The following GMDS variants were observed in gnomAD, a reference collection of about 807,000 sequenced individuals.
GMDS encodes the protein GDP-mannose 4,6 dehydratase.
GMDS carries 20 observed loss-of-function variants against 49.9 expected under a neutral mutation model. The ratio of observed to expected loss-of-function variants is 0.40; its 90% CI spans 0.28 to 0.58. GMDS has a LOEUF of 0.58. GMDS is among the 20% of genes least tolerant of loss of function. The pLI is 0.42. For missense variants in GMDS, 362 were observed against 481.4 expected, an observed-to-expected ratio of 0.75 and a Z score of 2.32; for synonymous variants, 177 against 178.6, an observed-to-expected ratio of 0.99 and a Z score of 0.07.
chr6:1,788,010 C>T (rs978084751), intron 7 of GMDS, among the ~76,000 whole-genome samples: 1 of 152,080 alleles, frequency 6.6e-6, no homozygotes. Flanking sequence ...CACTGCCCAC[C>T]GTGCAGCCTT....
rs1447426272 is a variant in GMDS at position 2,157,286 on chromosome 6, C to G, written c.103-32555G>C. ...CTCAGAGGACAGTTTATCTGTAAAC[C>G]CTACTTTGGGCAATAAGTTTCTAGA... On this transcript the variant is annotated intron_variant, in intron 1 of 10. Transcript: ENST00000380815. 3.9e-5 allele frequency among the ~76,000 whole-genome samples: 6 copies of G among 152,248 alleles called. No individual in the cohort carries two copies. The South Asian group carries it at 6.2e-4, about 16-fold the overall frequency.
chr6:2,209,365 AAGCAGCCTC>A (rs1252009852), intron 1 of GMDS, among the ~76,000 whole-genome samples: 3 of 152,228 alleles, frequency 2.0e-5, no homozygotes, highest in Admixed American at 6.5e-5. Flanking sequence ...CTGATGTTTT[AAGCAGCCTC>A]AGCTCAATGG....
intron 9 of GMDS, among the ~76,000 whole-genome samples, chr6:1,653,010 G>A (rs751375499): frequency 5.7e-4 from 86 of 151,148 alleles, no homozygotes; most frequent in Non-Finnish European, 1.1e-3. Context: ...CCAGGTCTCC[G>A]ACCCACTAGA....
intron 4 of GMDS, among the ~76,000 whole-genome samples, chr6:2,067,018 A>T (rs2127454499): frequency 6.6e-6 from 1 of 151,704 alleles, no homozygotes; most frequent in Middle Eastern, 3.5e-3. Flanking sequence ...TTGGAAGTAA[A>T]GCTCTCCTCA....
chr6:2,033,164 A>T (rs1202917587), intron 4 of GMDS, among the ~76,000 whole-genome samples: 3 of 152,208 alleles, frequency 2.0e-5, no homozygotes, highest in African/African-American at 7.2e-5. Context: ...GAGCCAAACC[A>T]TATGACCAAT....
At chr6:1,790,218 C>T (rs1769481133) in intron 7 of GMDS, among the ~76,000 whole-genome samples, 1 of 152,088 alleles carries the variant, frequency 6.6e-6, no homozygotes, top group African/African-American at 2.4e-5. Context: ...AAGAAATTTT[C>T]AGCATTTAGG....
intron 4 of GMDS, among the ~76,000 whole-genome samples, 175 bp downstream of exon 4, chr6:2,115,596 A>G (rs536114895): frequency 2.4e-4 from 36 of 152,324 alleles, no homozygotes; most frequent in African/African-American, 8.7e-4. Flanking sequence ...CAGACAAGAG[A>G]CTTTTAAAAA....
intron 7 of GMDS, among the ~76,000 whole-genome samples, chr6:1,827,500 C>T (rs1258602136): frequency 1.3e-5 from 2 of 151,584 alleles, no homozygotes; most frequent in Admixed American, 6.6e-5. Context: ...CCTGTATATA[C>T]ACACGTTTTG....
chr6:2,000,025 A>C (rs1227274428), intron 4 of GMDS, among the ~76,000 whole-genome samples: 4 of 11,264 alleles, frequency 3.6e-4, no homozygotes, highest in African/African-American at 8.8e-4. Context: ...ATATATATAT[A>C]TATCTATATC....
At chr6:1,887,970 T>G (rs1759684982) in intron 7 of GMDS, among the ~76,000 whole-genome samples, 1 of 152,072 alleles carries the variant, frequency 6.6e-6, no homozygotes, top group Non-Finnish European at 1.5e-5. Context: ...TGTTTTGTTT[T>G]GAGACAGAGG....
intron 4 of GMDS, among the ~76,000 whole-genome samples, chr6:1,979,378 T>C (rs930715038): frequency 1.3e-5 from 2 of 152,114 alleles, no homozygotes; most frequent in African/African-American, 4.8e-5. Flanking sequence ...AAAAACATGC[T>C]ACAAGAACTT....
chr6:2,108,096 T>C (rs976295716), intron 4 of GMDS, among the ~76,000 whole-genome samples: 14 of 152,196 alleles, frequency 9.2e-5, no homozygotes, highest in African/African-American at 2.9e-4. Flanking sequence ...AGAGACCCAA[T>C]ATGAAGTTAC....
intron 7 of GMDS, among the ~76,000 whole-genome samples, chr6:1,842,245 T>C (rs764008883): frequency 6.6e-6 from 1 of 152,196 alleles, no homozygotes; most frequent in Non-Finnish European, 1.5e-5. Context: ...GCTGTAGTGG[T>C]CGTTACAGTC....
chr6:1,862,702 C>T (rs993313590), intron 7 of GMDS, among the ~76,000 whole-genome samples: 1 of 152,172 alleles, frequency 6.6e-6, no homozygotes, highest in African/African-American at 2.4e-5. Context: ...AAACATCTAA[C>T]GTTTTATTCA....
rs887637436 is a variant in GMDS at position 1,836,114 on chromosome 6, G to A, written c.772-93528C>T. On this transcript the variant is annotated intron_variant, in intron 7 of 10. Transcript: ENST00000380815. The surrounding 1 kb of genome is among the most constrained non-coding windows in gnomAD (Gnocchi z 4.2). Reference sequence around the variant, plus strand: ...GATCTCCTGATCTCGTGATCCACCCGCCTCAGCCTCCCAAAGTGCTGGGAT... The same window carrying A: ...GATCTCCTGATCTCGTGATCCACCCACCTCAGCCTCCCAAAGTGCTGGGAT... Among the ~76,000 whole-genome samples, 10 of 152,136 alleles carry A rather than the reference G, an allele frequency of 6.6e-5. No individual in the cohort carries two copies. Among genetic ancestry groups the A allele is most frequent in the South Asian group, 2.1e-4 (1 of 4,832 alleles).
At chr6:1,780,378 T>C (rs1769028976) in intron 7 of GMDS, among the ~76,000 whole-genome samples, 2 of 152,190 alleles carry the variant, frequency 1.3e-5, no homozygotes, top group Non-Finnish European at 2.9e-5. Context: ...ACACACAGAA[T>C]GTATTCAATA....
At chr6:2,237,041 G>T (rs141266619) in intron 1 of GMDS, among the ~76,000 whole-genome samples, 56 of 152,304 alleles carry the variant, frequency 3.7e-4, no homozygotes, top group African/African-American at 1.3e-3. Context: ...GTGGTAAATT[G>T]TTTAAAAGGC....
intron 7 of GMDS, among the ~76,000 whole-genome samples, chr6:1,927,713 T>G (rs76315695): frequency 6.6e-6 from 1 of 152,342 alleles, no homozygotes; most frequent in African/African-American, 2.4e-5. Flanking sequence ...GGAAGTGAGA[T>G]GACAGCAGCG....
At chr6:2,144,928 T>C (rs1241145737) in intron 1 of GMDS, among the ~76,000 whole-genome samples, 1 of 151,862 alleles carries the variant, frequency 6.6e-6, no homozygotes, top group Non-Finnish European at 1.5e-5. Flanking sequence ...AAAGGAAACA[T>C]AGAAGCTTCC....
Sources: allele counts gnomAD v4.1 joint callset (sites outside exome capture counted in the v4.1 genomes callset), GRCh38; gene constraint gnomAD v4.1.1; non-coding constraint Gnocchi (gnomAD v3.1); transcripts MANE v1.5; gene names NCBI Gene and HGNC (gene_info 2026-07-23, HGNC 2026-07-21).